Variants in FRAS1 observed in about 807,000 individuals in gnomAD.
FRAS1 encodes Fraser extracellular matrix complex subunit 1, also known as extracellular matrix organizing protein FRAS1.
In FRAS1, 290 loss-of-function variants were observed where a neutral mutation model predicts 435.2. The ratio of observed to expected loss-of-function variants is 0.67; its 90% CI spans 0.61 to 0.73. The LOEUF (loss-of-function observed/expected upper bound fraction) is 0.73, where lower values mean the gene tolerates loss of function less well. Ranked by LOEUF, FRAS1 falls within the 30% of genes least tolerant of loss-of-function variation. The pLI, the probability that FRAS1 is intolerant of heterozygous loss-of-function variation, is 0.00. For synonymous variants in FRAS1, 1,800 were observed against 1,851.0 expected (o/e 0.97, Z 0.71); for missense variants, 4,860 against 5,001.5 (o/e 0.97, Z 0.85).
At chr4:78,193,673 G>A (rs12501566) in intron 2 of FRAS1, among the ~76,000 whole-genome samples, 41,350 of 152,004 alleles carry the variant, frequency 0.27, 6,687 homozygotes, top group South Asian at 0.53. Context: ...GTCCCTGCAC[G>A]TGAGATGGGT....
chr4:78,466,847 T>TA, intron 50 of FRAS1, among the ~76,000 whole-genome samples: 1 of 152,312 alleles, frequency 6.6e-6, no homozygotes, highest in Non-Finnish European at 1.5e-5. Flanking sequence ...CCCCTCAGCC[T>TA]AACCAGAGTT....
intron 18 of FRAS1, among the ~76,000 whole-genome samples, chr4:78,320,050 C>G (rs773723976): frequency 6.6e-6 from 1 of 152,182 alleles, no homozygotes; most frequent in African/African-American, 2.4e-5. Context: ...CCTCCTGCTC[C>G]GTGGGTGCAA....
chr4:78,318,404 C>T (rs866150834), intron 17 of FRAS1, among the ~76,000 whole-genome samples: 1 of 152,136 alleles, frequency 6.6e-6, no homozygotes, highest in African/African-American at 2.4e-5. Flanking sequence ...AACACAACCA[C>T]CATTTTTGCA....
At chr4:78,382,298 A>G (rs1732051980) in intron 27 of FRAS1, among the ~76,000 whole-genome samples, 1 of 151,874 alleles carries the variant, frequency 6.6e-6, no homozygotes, top group East Asian at 1.9e-4. Context: ...AAAATAAAAT[A>G]ATTTTTAAAA....
chr4:78,345,459 A>G (rs1230056142), intron 20 of FRAS1, among the ~76,000 whole-genome samples: 1 of 152,020 alleles, frequency 6.6e-6, no homozygotes, highest in Admixed American at 6.5e-5. Flanking sequence ...AGTGTGAGTC[A>G]TATTTTGGTT....
chr4:78,255,117 A>G (rs1407234089), intron 5 of FRAS1, 125 bp from the exon 6 acceptor site: 5 of 883,390 alleles, frequency 5.7e-6, no homozygotes, highest in Non-Finnish European at 9.2e-6. Context: ...ATTGAACACC[A>G]AATGCAGGAC....
chr4:78,291,691 A>G (rs1727905844), intron 14 of FRAS1, among the ~76,000 whole-genome samples: 1 of 152,206 alleles, frequency 6.6e-6, no homozygotes, highest in African/African-American at 2.4e-5. Flanking sequence ...TGTATAAAGT[A>G]AATAAGATTC....
At position 78,463,990 on chromosome 4, in the gene FRAS1, T is replaced by C. The variant is rs1374929252; in HGVS notation, c.6764-31T>C. On this transcript the variant is annotated intron_variant, in intron 47 of 73. Coordinates refer to ENST00000512123, the MANE Select transcript of FRAS1 (RefSeq NM_025074.7). ...ATATATGGCTAGCATTTTAATATCCTGTCTCTGTTTCTCTTTTCCCCTTTT... is the reference window on the plus strand; with the variant it reads ...ATATATGGCTAGCATTTTAATATCCCGTCTCTGTTTCTCTTTTCCCCTTTT... 2.5e-6 allele frequency: 4 copies of C among 1,611,064 alleles called. No homozygotes were observed. In the Admixed American group the frequency reaches 6.7e-5, roughly 27 times the overall value.
chr4:78,539,496 A>G (rs1721985030), intron 73 of FRAS1, 56 bp downstream of exon 73: 12 of 911,022 alleles, frequency 1.3e-5, no homozygotes, highest in South Asian at 1.9e-5. Context: ...AAAGCTTGAA[A>G]AAAAAAAAAA....
rs1172954846 is a variant in FRAS1, at chr4:78,152,435, A to G, written c.109-85075A>G. Among the ~76,000 whole-genome samples the G allele has an allele frequency of 2.6e-5, 4 of 152,078 alleles. No individual in the cohort carries two copies. In the East Asian group the frequency reaches 7.7e-4, roughly 29 times the overall value. ...ACTGTCTGCTTATTCTGGGCTCTCA[A>G]AGAGACTAATGTACTTGCTGATTTT... is the stretch of plus-strand genomic sequence containing the variant. On this transcript the variant is annotated intron_variant, in intron 2 of 73. Transcript: ENST00000512123.
rs545807260 is a variant in FRAS1 at position 78,306,691 on chromosome 4, C to T, written c.1535-1375C>T. ...GCTTCTGCATTCTTCACGTAGTTCT[C>T]GAGCCTTGGTTTTCAGCTCCATCAG... is the stretch of plus-strand genomic sequence containing the variant. On this transcript the variant is annotated intron_variant, in intron 14 of 73. Transcript: ENST00000512123. Among the ~76,000 whole-genome samples the T allele has an allele frequency of 6.7e-5, 10 of 150,220 alleles. No homozygotes were observed. The East Asian group carries it at 7.8e-4, about 12-fold the overall frequency.
At chr4:78,208,076 G>A (rs1255105226) in intron 2 of FRAS1, among the ~76,000 whole-genome samples, 2 of 152,138 alleles carry the variant, frequency 1.3e-5, no homozygotes, top group Non-Finnish European at 2.9e-5. Flanking sequence ...ATACTGTGCT[G>A]GTATCCACAG....
intron 67 of FRAS1, among the ~76,000 whole-genome samples, chr4:78,521,180 A>G (rs926736617): frequency 1.3e-5 from 2 of 152,214 alleles, no homozygotes; most frequent in East Asian, 1.9e-4. Context: ...TATAATAAGA[A>G]GCAGATGTGC....
rs762909923 is a variant in FRAS1 at position 78,065,081 on chromosome 4, T to TATATATATATATATACAC, written c.77-901_77-900insTATATATATATACACATA. 3.9e-3 allele frequency among the ~76,000 whole-genome samples: 490 copies of TATATATATATATATACAC among 125,582 alleles called. 1 individual carries two copies. The highest frequency in any genetic ancestry group is 0.014 in the African/African-American group (463 of 32,834). The allele number at this position is 125,582 out of a possible 152,430, so 82.4% of individuals were successfully genotyped here. A position where few individuals can be genotyped will look rare whatever the true frequency, so the allele number is the denominator to read the frequency against. On this transcript the variant is annotated intron_variant, in intron 1 of 73. Coordinates refer to ENST00000512123, the MANE Select transcript of FRAS1 (RefSeq NM_025074.7). ...GTGTATATATATATATATATATATA[T>TATATATATATATATACAC]ATACATACACACACACACACTAAAT...
chr4:78,435,977 G>A lies in FRAS1; in HGVS notation c.5218-2593G>A, dbSNP rs373759487. 1.3e-3 allele frequency among the ~76,000 whole-genome samples: 205 copies of A among 152,030 alleles called. 4 individuals are homozygous for A. The South Asian group carries it at 0.025, about 18-fold the overall frequency. On this transcript the variant is annotated intron_variant, in intron 38 of 73. Transcript: ENST00000512123. ...ATTTTTTATGATATTAAGGAAGGGC[G>A]GAACATCTTAAACTAGAAACAAAAA...
At chr4:78,428,579 T>C (rs1437259402) in intron 35 of FRAS1, among the ~76,000 whole-genome samples, 1 of 152,202 alleles carries the variant, frequency 6.6e-6, no homozygotes, top group Non-Finnish European at 1.5e-5. Context: ...TGCCTCGGCC[T>C]CCCAGAGTGC....
At chr4:78,065,427 G>A (rs1739985144) in intron 1 of FRAS1, among the ~76,000 whole-genome samples, 1 of 151,924 alleles carries the variant, frequency 6.6e-6, no homozygotes, top group Non-Finnish European at 1.5e-5. Flanking sequence ...GAGGATGTAG[G>A]CACAAAATGC....
At chr4:78,248,990 T>G (rs1261174808) in intron 4 of FRAS1, among the ~76,000 whole-genome samples, 1 of 143,642 alleles carries the variant, frequency 7.0e-6, no homozygotes, top group Admixed American at 7.2e-5. Context: ...AGAGCTCTCT[T>G]TGCTACTACA....
intron 2 of FRAS1, among the ~76,000 whole-genome samples, chr4:78,207,672 A>C (rs1045822053): frequency 6.6e-6 from 1 of 152,168 alleles, no homozygotes; most frequent in South Asian, 2.1e-4. Context: ...TGATTAGCAA[A>C]GTTACAGGGA....
Sources: gnomAD v4.1 joint callset for allele counts (sites outside exome capture counted in the v4.1 genomes callset) on GRCh38, gnomAD v4.1.1 for gene constraint, MANE v1.5 for transcripts, NCBI Gene and HGNC (gene_info 2026-07-23, HGNC 2026-07-21) for gene names.